TSC22D1: variants seen among roughly 807,000 people sequenced by gnomAD.
The protein encoded by TSC22D1 is TSC22 domain family member 1.
Under a neutral mutation model 74.2 loss-of-function variants are expected in TSC22D1, and 9 were observed. The observed-to-expected ratio is 0.12, with a 90% CI of 0.07 to 0.21. TSC22D1 has a LOEUF of 0.21. TSC22D1 is among the 10% of genes least tolerant of loss of function. The probability of loss-of-function intolerance (pLI) is 1.00; values close to 1 mark genes in which losing one functional copy is unlikely to be tolerated. For missense variants in TSC22D1, 1,427 were observed against 1,304.7 expected (o/e 1.09, Z -1.44); for synonymous variants, 586 against 492.5 (o/e 1.19, Z -2.51).
chr13:44,521,333 T>C (rs1424246916), intron 1 of TSC22D1, among the ~76,000 whole-genome samples: 1 of 152,180 alleles, frequency 6.6e-6, no homozygotes, highest in Non-Finnish European at 1.5e-5. Flanking sequence ...GGGATTTAAT[T>C]GTGTATCCTC....
chr13:44,490,628 T>G (rs547665140), intron 1 of TSC22D1, among the ~76,000 whole-genome samples: 2 of 152,270 alleles, frequency 1.3e-5, no homozygotes, highest in African/African-American at 4.8e-5. Context: ...CTGGGCATAG[T>G]AGTTCACGCC....
chr13:44,448,432 C>T lies in TSC22D1; in HGVS notation c.2913-12337G>A, dbSNP rs9567437. Among the ~76,000 whole-genome samples, 31 of 152,170 alleles carry T rather than the reference C, an allele frequency of 2.0e-4. 1 individual carries two copies. The East Asian group carries it at 5.0e-3, about 25-fold the overall frequency. On this transcript the variant is annotated intron_variant, in intron 1 of 2. Transcript: ENST00000458659. ...AGGCAGTCTCTTGGTGACTCTAAAA[C>T]AATCAGATGAAGCTCAATTACACAG... is the stretch of plus-strand genomic sequence containing the variant.
At chr13:44,462,619 C>T (rs556658849) in intron 1 of TSC22D1, among the ~76,000 whole-genome samples, 1 of 152,258 alleles carries the variant, frequency 6.6e-6, no homozygotes, top group African/African-American at 2.4e-5. Flanking sequence ...AAAAACAAAT[C>T]TTATACAATA....
chr13:44,554,360 T>C (rs993097173), intron 1 of TSC22D1, among the ~76,000 whole-genome samples: 4 of 152,194 alleles, frequency 2.6e-5, no homozygotes, highest in African/African-American at 7.2e-5. Flanking sequence ...ATAGTCCAGA[T>C]GCATCAATTC....
At chr13:44,540,691 C>T (rs1318084984) in intron 1 of TSC22D1, among the ~76,000 whole-genome samples, 3 of 152,000 alleles carry the variant, frequency 2.0e-5, no homozygotes, top group Non-Finnish European at 4.4e-5. Flanking sequence ...AAGATATACC[C>T]AAATTATAGA....
At chr13:44,437,028 G>T in intron 1 of TSC22D1, 1 of 982,514 alleles carries the variant, frequency 1.0e-6, no homozygotes, top group South Asian at 4.7e-5. Flanking sequence ...CTCGTGGGGT[G>T]GGCTGGCCTG....
intron 1 of TSC22D1, among the ~76,000 whole-genome samples, chr13:44,443,318 A>AC (rs1383845741): frequency 2.0e-5 from 3 of 151,998 alleles, no homozygotes; most frequent in Non-Finnish European, 4.4e-5. Flanking sequence ...AGAAAAAAAA[A>AC]AACCTGTCAA....
chr13:44,553,769 T>A (rs1242438763), intron 1 of TSC22D1, among the ~76,000 whole-genome samples: 6 of 152,194 alleles, frequency 3.9e-5, no homozygotes, highest in Admixed American at 1.3e-4. Context: ...TGCTCAATAA[T>A]CACATATAAT....
chr13:44,465,607 A>T (rs1180803019), intron 1 of TSC22D1, among the ~76,000 whole-genome samples: 1 of 152,186 alleles, frequency 6.6e-6, no homozygotes, highest in Non-Finnish European at 1.5e-5. Context: ...AGAGCATTGG[A>T]GAATAGCTCT....
At chr13:44,538,044 CA>C in intron 1 of TSC22D1, 2 of 985,204 alleles carry the variant, frequency 2.0e-6, no homozygotes, top group Non-Finnish European at 2.4e-6. Flanking sequence ...CTACTTCAAT[CA>C]ATTAATTGAC....
chr13:44,536,070 A>G (rs1387979144), intron 1 of TSC22D1, among the ~76,000 whole-genome samples: 1 of 151,892 alleles, frequency 6.6e-6, no homozygotes, highest in Non-Finnish European at 1.5e-5. Flanking sequence ...CAGAATCTTT[A>G]CTTTTTTTCC....
chr13:44,548,837 A>G (rs1277946537), intron 1 of TSC22D1, among the ~76,000 whole-genome samples: 6 of 152,208 alleles, frequency 3.9e-5, no homozygotes, highest in Non-Finnish European at 8.8e-5. Context: ...TACCTGATAC[A>G]TATCTATTGA....
intron 1 of TSC22D1, among the ~76,000 whole-genome samples, chr13:44,444,694 C>A (rs990183340): frequency 2.0e-5 from 3 of 151,872 alleles, no homozygotes; most frequent in South Asian, 2.1e-4. Context: ...AAAATACACA[C>A]GTCTAAGTAA....
intron 1 of TSC22D1, among the ~76,000 whole-genome samples, chr13:44,518,216 T>C (rs1444967015): frequency 2.6e-5 from 4 of 151,954 alleles, no homozygotes; most frequent in African/African-American, 9.7e-5. Context: ...CAAAATAATT[T>C]TGATGAAAAA....
intron 1 of TSC22D1, among the ~76,000 whole-genome samples, chr13:44,569,263 T>A (rs1331173121): frequency 6.6e-6 from 1 of 152,062 alleles, no homozygotes; most frequent in Admixed American, 6.6e-5. Context: ...ACAAGAAAGA[T>A]CAAATCTAGG....
In TSC22D1 at chr13:44,574,652, T is replaced by A; in HGVS notation, c.1423A>T (p.Ser475Cys). ...TSGSSVSSSV[S>C]TLSHYTESVG... ...CTCTCTGTATAGTGACTCAGTGTGC[T>A]GACACTACTGCTCACTGAACTCCCA... The change falls in exon 1 of 3, where the codon AGC (serine) becomes TGC (cysteine). Residue 475 changes from serine (S) to cysteine (C), a missense_variant. By Grantham distance (112) the Ser-to-Cys change is moderately radical. This residue lies in a region of TSC22D1 where 1,343 missense variants were observed against 1,191.5 expected (regional missense o/e 1.13). Transcript: ENST00000458659. 1 of 1,614,148 alleles carries A rather than the reference T, an allele frequency of 6.2e-7. No homozygotes were observed. Among genetic ancestry groups the A allele is most frequent in the Non-Finnish European group, 8.5e-7 (1 of 1,180,034 alleles).
intron 1 of TSC22D1, among the ~76,000 whole-genome samples, chr13:44,463,468 T>C (rs1877108812): frequency 6.6e-6 from 1 of 152,206 alleles, no homozygotes; most frequent in Non-Finnish European, 1.5e-5. Context: ...TTAAGGTGGC[T>C]AAACAGCCCA....
Position 44,574,988 on chromosome 13 carries a change from T to C in TSC22D1, c.1087A>G (p.Ile363Val), listed in dbSNP as rs766118003. ...PGVTSGVNVN[I>V]LSGMGNGTIS... The stretch of plus-strand genomic sequence containing the variant: ...GTACCATTGCCCATGCCACTCAAGA[T>C]ATTCACATTAACACCACTGGTAACT... Residue 363 changes from isoleucine to valine, a missense_variant, in exon 1 of 3, where the codon ATC becomes GTC. By Grantham distance (29) the Ile-to-Val change is conservative (BLOSUM62 3). Around this residue, in one of 3 missense-constraint regions of TSC22D1, gnomAD observed 1,343 missense variants for 1,191.5 expected, o/e 1.13. Transcript: ENST00000458659. The C allele has an allele frequency of 8.1e-6, 13 of 1,614,132 alleles. No individual in the cohort carries two copies. In the South Asian group the frequency reaches 9.9e-5, roughly 12 times the overall value.
intron 1 of TSC22D1, among the ~76,000 whole-genome samples, chr13:44,571,706 CAAT>C (rs1442247964): frequency 5.3e-5 from 8 of 151,980 alleles, no homozygotes; most frequent in Non-Finnish European, 1.2e-4. Flanking sequence ...AAAGGTTTAA[CAAT>C]AATAATGGAA....
Sources: gnomAD v4.1 joint callset for allele counts (sites outside exome capture counted in the v4.1 genomes callset) on GRCh38, gnomAD v4.1.1 for gene constraint, gnomAD v4.1.1 regional missense constraint, MANE v1.5 for transcripts, NCBI Gene and HGNC (gene_info 2026-07-23, HGNC 2026-07-21) for gene names.